Variants in CDC42BPA observed in about 807,000 individuals in gnomAD.
The protein encoded by CDC42BPA is CDC42 binding protein kinase alpha.
A neutral mutation model predicts 223.5 loss-of-function variants in CDC42BPA; 80 were observed. The ratio of observed to expected loss-of-function variants is 0.36; its 90% CI spans 0.30 to 0.43. The LOEUF is 0.43. Among genes scored for constraint, CDC42BPA ranks in the 20% least tolerant of loss-of-function variants. The pLI is 1.00. For missense variants in CDC42BPA, 1,743 were observed against 2,099.9 expected (o/e 0.83, Z 3.32); for synonymous variants, 694 against 718.6 (o/e 0.97, Z 0.55).
chr1:227,088,289 C>A (rs1333585949), intron 16 of CDC42BPA, among the ~76,000 whole-genome samples: 1 of 152,110 alleles, frequency 6.6e-6, no homozygotes, highest in Non-Finnish European at 1.5e-5. Flanking sequence ...CAAAGATGAC[C>A]TGCACATAGT....
chr1:227,122,941 T>TACCCA, intron 11 of CDC42BPA, among the ~76,000 whole-genome samples: 1 of 152,300 alleles, frequency 6.6e-6, no homozygotes, highest in Non-Finnish European at 1.5e-5. Flanking sequence ...CTATTATAAA[T>TACCCA]ACCCAACACA....
At chr1:227,089,627 GTTTTTTTTTTT>G in intron 16 of CDC42BPA, among the ~76,000 whole-genome samples, 1 of 116,720 alleles carries the variant, frequency 8.6e-6, no homozygotes, top group South Asian at 3.0e-4. Flanking sequence ...GGGTAATTCC[GTTTTTTTTTTT>G]TTTTTTTTTT....
chr1:227,118,154 C>T (rs553595594), intron 12 of CDC42BPA, among the ~76,000 whole-genome samples: 7 of 152,222 alleles, frequency 4.6e-5, no homozygotes, highest in South Asian at 2.1e-4. Flanking sequence ...CTACACTACT[C>T]GTGGAAATGG....
At chr1:227,002,309 G>A (rs1210597191) in intron 35 of CDC42BPA, among the ~76,000 whole-genome samples, 2 of 49,506 alleles carry the variant, frequency 4.0e-5, no homozygotes, top group Non-Finnish European at 7.8e-5. Context: ...TCTAGCTATC[G>A]CTAATAAAAA....
chr1:227,302,674 A>G (rs1015912827), intron 1 of CDC42BPA, among the ~76,000 whole-genome samples: 7 of 152,076 alleles, frequency 4.6e-5, no homozygotes, highest in Non-Finnish European at 7.4e-5. Context: ...TGGTTCTACA[A>G]CATTTTCTTG....
chr1:227,134,743 C>T (rs1420179324), intron 10 of CDC42BPA, among the ~76,000 whole-genome samples: 1 of 152,096 alleles, frequency 6.6e-6, no homozygotes, highest in Non-Finnish European at 1.5e-5. Context: ...TACCAAAAGG[C>T]AATGATCTTA....
chr1:227,303,183 T>C (rs1446795502), intron 1 of CDC42BPA, among the ~76,000 whole-genome samples: 3 of 152,220 alleles, frequency 2.0e-5, no homozygotes, highest in Admixed American at 1.3e-4. Context: ...CTCCAAATCC[T>C]TGGGTGAAAC....
intron 1 of CDC42BPA, among the ~76,000 whole-genome samples, chr1:227,308,219 T>C (rs1016022475): frequency 6.6e-6 from 1 of 152,056 alleles, no homozygotes; most frequent in East Asian, 1.9e-4. Flanking sequence ...AAAAGCAAAA[T>C]GGGAGGACGG....
intron 5 of CDC42BPA, among the ~76,000 whole-genome samples, chr1:227,163,704 C>T (rs1664514558): frequency 7.0e-6 from 1 of 143,498 alleles, no homozygotes; most frequent in African/African-American, 2.5e-5. Context: ...CTTGTTTTTC[C>T]ATTGTTTTTA....
chr1:227,073,256 T>C (rs1678794212), intron 19 of CDC42BPA, among the ~76,000 whole-genome samples: 1 of 152,194 alleles, frequency 6.6e-6, no homozygotes, highest in Non-Finnish European at 1.5e-5. Flanking sequence ...ATGTTTATAA[T>C]CAGTCTAACT....
chr1:227,071,062 T>A (rs1481096540), intron 20 of CDC42BPA, among the ~76,000 whole-genome samples: 1 of 151,986 alleles, frequency 6.6e-6, no homozygotes, highest in African/African-American at 2.4e-5. Context: ...GCATGATGGC[T>A]TGTGCTCCTA....
intron 22 of CDC42BPA, among the ~76,000 whole-genome samples, chr1:227,051,425 G>A (rs1483838903): frequency 1.3e-5 from 2 of 152,128 alleles, no homozygotes; most frequent in East Asian, 1.9e-4. Flanking sequence ...TTAGTTGACT[G>A]TTACCAATTT....
At chr1:227,001,770 G>C (rs1662900010) in intron 35 of CDC42BPA, among the ~76,000 whole-genome samples, 1 of 152,078 alleles carries the variant, frequency 6.6e-6, no homozygotes, top group Admixed American at 6.5e-5. Context: ...GGCTGGGTGT[G>C]ATGGCACCCA....
At chr1:227,095,367 T>A (rs995679766) in intron 15 of CDC42BPA, among the ~76,000 whole-genome samples, 1 of 152,204 alleles carries the variant, frequency 6.6e-6, no homozygotes, top group Non-Finnish European at 1.5e-5. Context: ...TTCTCAACCC[T>A]AGATTGTATT....
chr1:227,303,310 CTCTTCTAA>C (rs973202187), intron 1 of CDC42BPA, among the ~76,000 whole-genome samples: 2 of 152,180 alleles, frequency 1.3e-5, no homozygotes, highest in Non-Finnish European at 2.9e-5. Flanking sequence ...CCAGACAAGA[CTCTTCTAA>C]TCTTCTAATC....
At chr1:227,053,596 C>T (rs1888830) in intron 21 of CDC42BPA, among the ~76,000 whole-genome samples, 8,794 of 152,084 alleles carry the variant, frequency 0.058, 835 homozygotes, top group African/African-American at 0.2. Flanking sequence ...GGCCTGTATC[C>T]CAACTCAAGT....
At position 227,016,064 on chromosome 1, in the gene CDC42BPA, T is replaced by G; in HGVS notation, c.4857+16A>C. On this transcript the variant is annotated intron_variant, in intron 34 of 36. Transcript: ENST00000366766. ...CACACCCGCCCTTTTTTACACTCAC[T>G]CTTAATTCCTCTTACCATGGGCAGA... 1 of 1,387,310 alleles carries G rather than the reference T, an allele frequency of 7.2e-7. No individual in the cohort carries two copies. Among genetic ancestry groups the G allele is most frequent in the Non-Finnish European group, 1.0e-6 (1 of 974,878 alleles). The allele number at this position is 1,387,310 out of a possible 1,614,324, so 85.9% of individuals were successfully genotyped here.
At chr1:227,015,939 T>G in intron 34 of CDC42BPA, 141 bp downstream of exon 34, 1 of 614,456 alleles carries the variant, frequency 1.6e-6, no homozygotes, top group Non-Finnish European at 2.9e-6. Context: ...TCATGTATCT[T>G]AGACATATTG....
chr1:227,113,879 A>T (rs1275024495), intron 12 of CDC42BPA, among the ~76,000 whole-genome samples: 2 of 150,590 alleles, frequency 1.3e-5, no homozygotes, highest in African/African-American at 4.9e-5. Flanking sequence ...AAAAAAAAAA[A>T]GGCCAGGTAT....
Sources: allele counts gnomAD v4.1 joint callset (sites outside exome capture counted in the v4.1 genomes callset), GRCh38; gene constraint gnomAD v4.1.1; transcripts MANE v1.5; gene names NCBI Gene and HGNC (gene_info 2026-07-23, HGNC 2026-07-21).